The following ECE1 variants were observed in gnomAD, a reference collection of about 807,000 sequenced individuals.
The protein encoded by ECE1 is endothelin-converting enzyme 1.
ECE1 carries 35 observed loss-of-function variants against 98.6 expected under a neutral mutation model. That is an observed-to-expected ratio of 0.35 (90% CI 0.27 to 0.47). The LOEUF is 0.47. ECE1 is among the 20% of genes least tolerant of loss of function. The pLI, the probability that ECE1 is intolerant of heterozygous loss-of-function variation, is 1.00. For missense variants in ECE1, 814 were observed against 1,025.3 expected, an observed-to-expected ratio of 0.79 and a Z score of 2.81; for synonymous variants, 394 against 407.1, an observed-to-expected ratio of 0.97 and a Z score of 0.39.
At chr1:21,279,753 T>C (rs999963027) in intron 2 of ECE1, 11 of 1,223,834 alleles carry the variant, frequency 9.0e-6, no homozygotes, top group Admixed American at 3.9e-5. Flanking sequence ...GACACAGCCA[T>C]GGCTCACACT....
chr1:21,333,313 A>T (rs1639242101), intron 1 of ECE1, among the ~76,000 whole-genome samples: 1 of 131,690 alleles, frequency 7.6e-6, no homozygotes, highest in Non-Finnish European at 1.6e-5. Flanking sequence ...CAGACAGCAC[A>T]GCTCCAGCCC....
At position 21,247,163 on chromosome 1, in the gene ECE1, G is replaced by C; in HGVS notation, c.1163+58C>G. The C allele has an allele frequency of 1.9e-6, 3 of 1,612,588 alleles. No individual in the cohort carries two copies. In the Admixed American group the frequency reaches 5.0e-5, roughly 27 times the overall value. On this transcript the variant is annotated intron_variant, in intron 9 of 18. Coordinates refer to ENST00000374893, the MANE Select transcript of ECE1 (RefSeq NM_001397.3). ...CTGTCATCCCCACCCCTGCCCACCTGCCCAAGAAGAGGGCTGTCTGTGAGA... is the reference window on the plus strand; with the variant it reads ...CTGTCATCCCCACCCCTGCCCACCTCCCCAAGAAGAGGGCTGTCTGTGAGA...
rs1403052118 is a variant in ECE1, at chr1:21,258,668, C to A, written c.762+25G>T. Reference sequence around the variant, plus strand: ...GAAGAGGTCGTGCCCGCCCCCTCGACCGCTGCAGGTTCAAGCTAGCTCACC... The same window carrying A: ...GAAGAGGTCGTGCCCGCCCCCTCGAACGCTGCAGGTTCAAGCTAGCTCACC... On this transcript the variant is annotated intron_variant, in intron 6 of 18. Transcript: ENST00000374893. The surrounding 1 kb of genome is among the most constrained non-coding windows in gnomAD (Gnocchi z 4.2). 5 of 1,613,064 alleles carry A rather than the reference C, an allele frequency of 3.1e-6. No individual in the cohort carries two copies. The highest frequency in any genetic ancestry group is 4.2e-6 in the Non-Finnish European group (5 of 1,179,378).
chr1:21,342,219 G>T (rs1320196220), intron 1 of ECE1, among the ~76,000 whole-genome samples: 1 of 152,146 alleles, frequency 6.6e-6, no homozygotes, highest in Non-Finnish European at 1.5e-5. Flanking sequence ...CATTCTCAAG[G>T]TGCCACAGCT....
intron 4 of ECE1, among the ~76,000 whole-genome samples, chr1:21,272,212 G>C (rs1372122841): frequency 6.6e-6 from 1 of 152,122 alleles, no homozygotes. Context: ...ACTTACTCAG[G>C]ATCATACAAT....
chr1:21,256,227 G>A (rs1187128818), intron 7 of ECE1, 89 bp from the exon 8 acceptor site: 10 of 1,444,484 alleles, frequency 6.9e-6, no homozygotes, highest in Admixed American at 4.2e-5. Flanking sequence ...AGCCAAGTCC[G>A]GCACAGGGAG....
At chr1:21,242,931 C>G (rs1339234176) in intron 10 of ECE1, among the ~76,000 whole-genome samples, 1 of 152,238 alleles carries the variant, frequency 6.6e-6, no homozygotes, top group Non-Finnish European at 1.5e-5. Flanking sequence ...CAGACATGCA[C>G]CACTGCGCCT....
intron 1 of ECE1, among the ~76,000 whole-genome samples, chr1:21,314,536 C>T (rs1295394375): frequency 6.6e-6 from 1 of 152,276 alleles, no homozygotes; most frequent in Non-Finnish European, 1.5e-5. Context: ...ACAGAACCTA[C>T]TAGGTATGTC....
At chr1:21,308,206 A>C (rs1449248759) in intron 1 of ECE1, among the ~76,000 whole-genome samples, 2 of 152,168 alleles carry the variant, frequency 1.3e-5, no homozygotes, top group East Asian at 3.9e-4. Context: ...TCTCAGCTGA[A>C]ATGGCACTCC....
At chr1:21,281,684 GTGTTT>G (rs373128627) in intron 2 of ECE1, among the ~76,000 whole-genome samples, 276 of 151,994 alleles carry the variant, frequency 1.8e-3, no homozygotes, top group African/African-American at 2.7e-3. Context: ...CCGTGAGACA[GTGTTT>G]TGTTTTGTTT....
At position 21,236,738 on chromosome 1, in the gene ECE1, A is replaced by G. The variant is rs2098188745; in HGVS notation, c.1488+8T>C. The G allele has an allele frequency of 6.2e-7, 1 of 1,613,696 alleles. No individual in the cohort carries two copies. Among genetic ancestry groups the G allele is most frequent in the African/African-American group, 1.3e-5 (1 of 74,872 alleles). The stretch of plus-strand genomic sequence containing the variant: ...CAGCACCCCCTCCAAGTGCCTGGCC[A>G]GCCTCACCTTTTCCTTGGCTGATTT... On this transcript the variant is annotated splice_region_variant and intron_variant, in intron 12 of 18. Transcript: ENST00000374893.
At chr1:21,303,798 C>T (rs12737859) in intron 1 of ECE1, among the ~76,000 whole-genome samples, 10,101 of 151,916 alleles carry the variant, frequency 0.066, 457 homozygotes, top group Middle Eastern at 0.1. Context: ...AGGAGGCATG[C>T]GCCATCATAC....
intron 1 of ECE1, among the ~76,000 whole-genome samples, chr1:21,313,570 G>A (rs1012151243): frequency 2.0e-5 from 3 of 152,168 alleles, no homozygotes; most frequent in Non-Finnish European, 4.4e-5. Flanking sequence ...GGGAGTGGGG[G>A]AGCAGGGGGC....
intron 7 of ECE1, among the ~76,000 whole-genome samples, 190 bp from the exon 8 acceptor site, chr1:21,256,328 G>T (rs12728035): frequency 0.24 from 37,097 of 152,020 alleles, 5,579 homozygotes; most frequent in Non-Finnish European, 0.34. Context: ...GGCTGAGGTG[G>T]GTGGATCACC....
At chr1:21,313,786 G>A (rs1160609792) in intron 1 of ECE1, among the ~76,000 whole-genome samples, 1 of 152,166 alleles carries the variant, frequency 6.6e-6, no homozygotes, top group Non-Finnish European at 1.5e-5. Flanking sequence ...GGCTATGGTG[G>A]GAATTAAGGC....
rs372759084 is a variant in ECE1, at chr1:21,225,863, GT to G, written c.1850-424del. On this transcript the variant is annotated intron_variant, in intron 16 of 18. Transcript: ENST00000374893. The surrounding 1 kb of genome is among the most constrained non-coding windows in gnomAD (Gnocchi z 5.3). ...ATGCCGCCATGCCTAGCTGATTTCT[GT>G]TTTTTTTTTTAGTAGAGATGGGGTC... 3.0e-4 allele frequency among the ~76,000 whole-genome samples: 43 copies of G among 145,290 alleles called. No individual in the cohort carries two copies. The highest frequency in any genetic ancestry group is 2.0e-3 in the Admixed American group (29 of 14,488).
intron 8 of ECE1, among the ~76,000 whole-genome samples, chr1:21,251,332 A>G (rs2098212560): frequency 6.6e-6 from 1 of 151,970 alleles, no homozygotes; most frequent in Non-Finnish European, 1.5e-5. Flanking sequence ...GGCCAACATG[A>G]TGAAACCCTA....
rs187681456 is a variant in ECE1, at chr1:21,239,214, C to T, written c.1279-970G>A. Among the ~76,000 whole-genome samples the T allele has an allele frequency of 4.8e-3, 728 of 152,254 alleles. 5 individuals carry two copies. Among genetic ancestry groups the T allele is most frequent in the African/African-American group, 0.017 (691 of 41,546 alleles). On this transcript the variant is annotated intron_variant, in intron 10 of 18. Transcript: ENST00000374893. The stretch of plus-strand genomic sequence containing the variant: ...GTCCATACAACCCCTCTGTGCAAAC[C>T]GGAAATAGGCGTCTGTGGGCTGCAA...
chr1:21,271,458 A>G (rs1288719057), intron 4 of ECE1, among the ~76,000 whole-genome samples: 3 of 152,146 alleles, frequency 2.0e-5, no homozygotes, highest in African/African-American at 4.8e-5. Flanking sequence ...TGAATATCTT[A>G]AAGTTTTTTA....
Sources: gnomAD v4.1 joint callset for allele counts (sites outside exome capture counted in the v4.1 genomes callset) on GRCh38, gnomAD v4.1.1 for gene constraint, Gnocchi (gnomAD v3.1) non-coding constraint, MANE v1.5 for transcripts, NCBI Gene and HGNC (gene_info 2026-07-23, HGNC 2026-07-21) for gene names.